TBC1D20: variants seen among roughly 807,000 people sequenced by gnomAD.
The protein encoded by TBC1D20 is TBC1 domain family member 20.
A neutral mutation model predicts 41.6 loss-of-function variants in TBC1D20; 12 were observed. The observed-to-expected ratio is 0.29, with a 90% CI of 0.18 to 0.47. The LOEUF (loss-of-function observed/expected upper bound fraction) is 0.47. Among genes scored for constraint, TBC1D20 ranks in the 20% least tolerant of loss-of-function variants. TBC1D20 has a pLI of 1.00. For missense variants in TBC1D20, 421 were observed against 517.4 expected, an observed-to-expected ratio of 0.81 and a Z score of 1.81; for synonymous variants, 205 against 204.8, an observed-to-expected ratio of 1.00 and a Z score of -0.01.
intron 1 of TBC1D20, among the ~76,000 whole-genome samples, chr20:449,653 A>C (rs1302361306): frequency 2.6e-5 from 4 of 152,170 alleles, no homozygotes; most frequent in African/African-American, 9.6e-5. Context: ...CTTGGTTCAA[A>C]TCCTGGCTCT....
At chr20:460,361 G>T (rs2017608221) in intron 1 of TBC1D20, among the ~76,000 whole-genome samples, 1 of 151,174 alleles carries the variant, frequency 6.6e-6, no homozygotes, top group Non-Finnish European at 1.5e-5. Flanking sequence ...AAGTCCAGGA[G>T]TTGGGAGATG....
intron 1 of TBC1D20, among the ~76,000 whole-genome samples, chr20:455,730 C>T (rs1427597865): frequency 1.3e-5 from 2 of 151,774 alleles, no homozygotes; most frequent in Middle Eastern, 3.4e-3. Flanking sequence ...GTCAGGCGTT[C>T]GAGACCAGCC....
intron 1 of TBC1D20, 152 bp downstream of exon 1, chr20:462,184 C>G (rs2017644064): frequency 2.9e-6 from 1 of 346,170 alleles, no homozygotes; most frequent in Non-Finnish European, 4.6e-6. Flanking sequence ...CAGACGTGCC[C>G]TGGGCCCTCA....
rs372170499 is a variant in TBC1D20 at position 445,145 on chromosome 20, G to T, written c.257-15C>A. 1 of 1,578,402 alleles carries T rather than the reference G, an allele frequency of 6.3e-7. No individual in the cohort carries two copies. Among genetic ancestry groups the T allele is most frequent in the Admixed American group, 1.7e-5 (1 of 57,478 alleles). ...TAGGTTCTTCCCTATTGAAGGAAAA[G>T]GCACGTTATTGCAGGAATGCCTGAG... On this transcript the variant is annotated splice_polypyrimidine_tract_variant and intron_variant, in intron 2 of 7. Transcript: ENST00000354200.
intron 1 of TBC1D20, among the ~76,000 whole-genome samples, chr20:452,391 G>C (rs527451820): frequency 1.1e-4 from 16 of 152,320 alleles, no homozygotes; most frequent in African/African-American, 3.4e-4. Context: ...TGCTGTGGAG[G>C]GCCAAGGTGT....
Position 441,634 on chromosome 20 carries a change from G to A in TBC1D20, c.580C>T (p.Pro194Ser). ...TCTGGATTCACCTGGTCAATGATGG[G>A]CATCAGATAGTTTAATATATGCTTG... ...NTKHILNYLM[P>S]IIDQVNPELH... The change falls in exon 5 of 8, where the codon CCC becomes TCC. Residue 194 changes from proline to serine, a missense_variant. Pro to Ser is a moderately conservative substitution (Grantham distance 74). Coordinates refer to ENST00000354200, the MANE Select transcript of TBC1D20 (RefSeq NM_144628.4). 6.2e-7 allele frequency: 1 copy of A among 1,614,126 alleles called. No homozygotes were observed. The highest frequency in any genetic ancestry group is 8.5e-7 in the Non-Finnish European group (1 of 1,180,020).
At chr20:447,092 G>A (rs569639698) in intron 2 of TBC1D20, among the ~76,000 whole-genome samples, 1 of 150,282 alleles carries the variant, frequency 6.7e-6, no homozygotes, top group Non-Finnish European at 1.5e-5. Flanking sequence ...GGGATTACAG[G>A]CACCTGCCAC....
chr20:452,829 G>A (rs2017468680), intron 1 of TBC1D20, among the ~76,000 whole-genome samples: 1 of 152,128 alleles, frequency 6.6e-6, no homozygotes, highest in Admixed American at 6.6e-5. Flanking sequence ...GGAAAAGGAG[G>A]AAGGTGTCCT....
At chr20:457,380 G>A (rs1040822564) in intron 1 of TBC1D20, among the ~76,000 whole-genome samples, 2 of 152,192 alleles carry the variant, frequency 1.3e-5, no homozygotes, top group Non-Finnish European at 2.9e-5. Flanking sequence ...ATGCCACCAT[G>A]CCTAATTTTA....
At position 462,502 on chromosome 20, in the gene TBC1D20, G is replaced by A. The variant is rs920078191; in HGVS notation, c.-97C>T. ...CGGGACGTAGCACCCGCTCGGCATC[G>A]GCAGGCTCCCCTCCGTCGGCCAGCG... On this transcript the variant is annotated 5_prime_UTR_variant, in exon 1 of 8. Coordinates refer to ENST00000354200, the MANE Select transcript of TBC1D20 (RefSeq NM_144628.4). 4.2e-5 allele frequency: 29 copies of A among 689,000 alleles called. No homozygotes were observed. Among genetic ancestry groups the A allele is most frequent in the Middle Eastern group, 5.6e-4 (1 of 1,794 alleles). 42.7% of individuals were successfully genotyped at this position (689,000 alleles called of 1,614,324 possible).
chr20:453,153 C>CAAAAAAAAAAAAAAAAAAAAAA (rs71191943), intron 1 of TBC1D20, among the ~76,000 whole-genome samples: 1 of 44,858 alleles, frequency 2.2e-5, no homozygotes, highest in African/African-American at 8.6e-5. Flanking sequence ...AACTCCGTTT[C>CAAAAAAAAAAAAAAAAAAAAAA]AAAAAAAAAA....
In TBC1D20 at chr20:446,051, C is replaced by T. The variant is rs2017325760; in HGVS notation, c.257-921G>A. Among the ~76,000 whole-genome samples, 3 of 152,238 alleles carry T rather than the reference C, an allele frequency of 2.0e-5. 1 individual carries two copies. In the South Asian group the frequency reaches 6.2e-4, roughly 31 times the overall value. ...TGTGAACTTTTTGGTGGCAGAAGTCCTGTTTCAATCATCTCCAGTACCTGG... is the reference window on the plus strand; with the variant it reads ...TGTGAACTTTTTGGTGGCAGAAGTCTTGTTTCAATCATCTCCAGTACCTGG... On this transcript the variant is annotated intron_variant, in intron 2 of 7. Transcript: ENST00000354200.
intron 1 of TBC1D20, among the ~76,000 whole-genome samples, chr20:460,235 G>C (rs1355691174): frequency 6.6e-6 from 1 of 151,986 alleles, no homozygotes; most frequent in Non-Finnish European, 1.5e-5. Flanking sequence ...TGGAGGGAGG[G>C]AGACAGACAT....
Position 441,971 on chromosome 20 carries a change from T to C in TBC1D20, c.410A>G (p.Asn137Ser). ...IDIILLILER[N>S]PQLHYYQGYH... ...GCCCTGGTAGTAGTGCAGCTGAGGG[T>C]TGCGCTCCAAGATGAGGAGGATGAT... Residue 137 changes from asparagine to serine, a missense_variant, in exon 4 of 8, where the codon AAC (asparagine) becomes AGC (serine). This residue lies in a region of TBC1D20 where 110 missense variants were observed against 183.5 expected (regional missense o/e 0.60). Coordinates refer to ENST00000354200, the MANE Select transcript of TBC1D20 (RefSeq NM_144628.4). The C allele has an allele frequency of 1.9e-6, 3 of 1,614,006 alleles. No homozygotes were observed. The highest frequency in any genetic ancestry group is 1.1e-5 in the South Asian group (1 of 91,070).
chr20:445,894 T>G (rs928277415), intron 2 of TBC1D20, among the ~76,000 whole-genome samples: 1 of 152,214 alleles, frequency 6.6e-6, no homozygotes, highest in African/African-American at 2.4e-5. Flanking sequence ...TAGAAGAACA[T>G]CATCTCAGGA....
Position 440,352 on chromosome 20 carries a change from T to A in TBC1D20, c.664A>T (p.Ile222Phe), listed in dbSNP as rs776493264. 1 of 1,614,180 alleles carries A rather than the reference T, an allele frequency of 6.2e-7. No homozygotes were observed. Among genetic ancestry groups the A allele is most frequent in the Non-Finnish European group, 8.5e-7 (1 of 1,180,020 alleles). ...GACAGGACATGCCCAAACCAGGTGA[T>A]GAGCCAGCTGAGGGCAAAGATGGTC... is the stretch of plus-strand genomic sequence containing the variant. The part of the protein sequence containing the change: ...VGTIFALSWL[I>F]TWFGHVLSDF... Residue 222 changes from isoleucine (I) to phenylalanine (F), a missense_variant, in exon 6 of 8, where the codon ATC becomes TTC. Ile to Phe is a conservative substitution (Grantham distance 21, BLOSUM62 0). Around this residue, in one of 3 missense-constraint regions of TBC1D20, gnomAD observed 110 missense variants for 183.5 expected, o/e 0.60. Coordinates refer to ENST00000354200, the MANE Select transcript of TBC1D20 (RefSeq NM_144628.4).
chr20:444,235 G>A (rs528684026), intron 3 of TBC1D20, among the ~76,000 whole-genome samples: 30 of 152,220 alleles, frequency 2.0e-4, no homozygotes, highest in African/African-American at 6.3e-4. Context: ...TCAAAACCAC[G>A]CTGGCAGGCT....
rs1344974037 is a variant in TBC1D20, at chr20:440,305, C to T, written c.711G>A (p.Arg237=). Residue 237 remains arginine (R), a synonymous_variant, in exon 6 of 8, where the codon CGG becomes CGA. Transcript: ENST00000354200. ...GGCAGGCCAGGAAGAAGTCATATAA[C>T]CGCACGACGTGCCTGAAGTCAGACA... ...HVLSDFRHVV[R]LYDFFLACHP... 5 of 1,613,964 alleles carry T rather than the reference C, an allele frequency of 3.1e-6. No individual in the cohort carries two copies. The highest frequency in any genetic ancestry group is 4.2e-6 in the Non-Finnish European group (5 of 1,180,024).
chr20:461,856 T>G (rs149903272), intron 1 of TBC1D20, among the ~76,000 whole-genome samples: 1 of 152,368 alleles, frequency 6.6e-6, no homozygotes, highest in African/African-American at 2.4e-5. Flanking sequence ...CTGTGCACCT[T>G]AAAGGAAGAA....
Sources: allele counts gnomAD v4.1 joint callset (sites outside exome capture counted in the v4.1 genomes callset), GRCh38; gene constraint gnomAD v4.1.1; regional missense constraint gnomAD v4.1.1; transcripts MANE v1.5; gene names NCBI Gene and HGNC (gene_info 2026-07-23, HGNC 2026-07-21).